The following PC variants were observed in gnomAD, a reference collection of about 807,000 sequenced individuals.
PC encodes pyruvate carboxylase.
PC carries 46 observed loss-of-function variants against 107.8 expected under a neutral mutation model. The ratio of observed to expected loss-of-function variants is 0.43; its 90% CI spans 0.34 to 0.55. The LOEUF (loss-of-function observed/expected upper bound fraction) is 0.55, where lower values mean the gene tolerates loss of function less well. PC is among the 20% of genes least tolerant of loss of function. The pLI, the probability that PC is intolerant of heterozygous loss-of-function variation, is 0.04. For synonymous variants in PC, 662 were observed against 684.7 expected (o/e 0.97, Z 0.52); for missense variants, 1,241 against 1,643.1 (o/e 0.76, Z 4.23).
Position 66,849,018 on chromosome 11 carries a change from GCA to G in PC, c.3416_3417del (p.Val1139AlafsTer32). 6.2e-7 allele frequency: 1 copy of G among 1,614,096 alleles called. No individual in the cohort carries two copies. The highest frequency in any genetic ancestry group is 8.5e-7 in the Non-Finnish European group (1 of 1,180,038). ...AKVAKGQPLCVLSAMKMETVV... is the reference protein window; with the variant it reads ...AKVAKGQPLCXLSAMKMETVV... ...ACAGTCTCCATCTTCATGGCACTGA[GCA>G]CACACAGGGGCTGGCCCTTGGCCAC... On this transcript the variant is annotated frameshift_variant, in exon 23 of 23. Transcript: ENST00000393960. LOFTEE classifies it high-confidence loss of function.
At chr11:66,937,974 C>A (rs1490791093) in intron 3 of PC, among the ~76,000 whole-genome samples, 1 of 152,090 alleles carries the variant, frequency 6.6e-6, no homozygotes, top group Non-Finnish European at 1.5e-5. Flanking sequence ...GACGGGGTTT[C>A]ACTGTGTTAG....
At chr11:66,856,393 C>G (rs1945830141) in intron 12 of PC, among the ~76,000 whole-genome samples, 1 of 142,412 alleles carries the variant, frequency 7.0e-6, no homozygotes, top group Non-Finnish European at 1.5e-5. Flanking sequence ...GAGGGAGAGG[C>G]GAGAGGCAGC....
At chr11:66,927,325 T>A (rs1279964897) in intron 3 of PC, among the ~76,000 whole-genome samples, 1 of 150,186 alleles carries the variant, frequency 6.7e-6, no homozygotes, top group Non-Finnish European at 1.5e-5. Context: ...GCCACACCAG[T>A]GTACTCCCGT....
chr11:66,853,132 G>A, intron 13 of PC, 107 bp downstream of exon 13: 1 of 1,285,618 alleles, frequency 7.8e-7, no homozygotes. Context: ...TGAGGGGCAG[G>A]GGGCACTAAG....
chr11:66,935,694 T>C (rs1352795241), intron 3 of PC, among the ~76,000 whole-genome samples: 1 of 152,160 alleles, frequency 6.6e-6, no homozygotes. Flanking sequence ...TAACTCTTCC[T>C]AGTGAAGCTG....
chr11:66,849,594 G>A lies in PC; in HGVS notation c.3147+17C>T, dbSNP rs767447355. 7 of 1,613,938 alleles carry A rather than the reference G, an allele frequency of 4.3e-6. No homozygotes were observed. Among genetic ancestry groups the A allele is most frequent in the Non-Finnish European group, 5.9e-6 (7 of 1,180,024 alleles). On this transcript the variant is annotated intron_variant, in intron 21 of 22. Coordinates refer to ENST00000393960, the MANE Select transcript of PC (RefSeq NM_001040716.2). ...GGGGGCCAGGGTGGAGTGTGGAGAA[G>A]CGCCAGAGCCACTGACCTCAAACTC...
At chr11:66,934,851 C>T (rs765411352) in intron 3 of PC, among the ~76,000 whole-genome samples, 4 of 152,098 alleles carry the variant, frequency 2.6e-5, no homozygotes, top group African/African-American at 4.8e-5. Context: ...GTGATCCACC[C>T]GCCTCGGCCT....
chr11:66,855,766 C>G (rs1260331041), intron 12 of PC, among the ~76,000 whole-genome samples: 1 of 152,228 alleles, frequency 6.6e-6, no homozygotes, highest in Non-Finnish European at 1.5e-5. Context: ...CCCTCACAAG[C>G]TGCAGCTGTC....
At chr11:66,924,592 A>T in intron 3 of PC, among the ~76,000 whole-genome samples, 1 of 152,168 alleles carries the variant, frequency 6.6e-6, no homozygotes, top group Non-Finnish European at 1.5e-5. Context: ...CTGAGACTAC[A>T]GGTGCGCACC....
In PC at chr11:66,937,492, G is replaced by A. The variant is rs570996124; in HGVS notation, c.-1+14938C>T. On this transcript the variant is annotated intron_variant, in intron 3 of 22. Transcript: ENST00000393960. ...TTGGAGTTCACTGAGCTTCCTGAGT[G>A]GGTAGGTTACTGTTTTTCATCAGCT... 2.6e-5 allele frequency among the ~76,000 whole-genome samples: 4 copies of A among 152,272 alleles called. No individual in the cohort carries two copies. In the East Asian group the frequency reaches 7.7e-4, roughly 29 times the overall value.
Position 66,853,246 on chromosome 11 carries a change from G to A in PC, c.1506C>T (p.His502=). 1 of 1,614,006 alleles carries A rather than the reference G, an allele frequency of 6.2e-7. No individual in the cohort carries two copies. Among genetic ancestry groups the A allele is most frequent in the Non-Finnish European group, 8.5e-7 (1 of 1,179,980 alleles). ...PAQNRAQKLL[H]YLGHVMVNGP... is the part of the protein sequence containing the mutation. ...GGCAGTCTCGGGCCAGACCGAGGTA[G>A]TGCAACAGCTTTTGGGCCCGGTTCT... The change falls in exon 13 of 23, where the codon CAC becomes CAT. Residue 502 remains histidine, a synonymous_variant. Transcript: ENST00000393960.
intron 12 of PC, among the ~76,000 whole-genome samples, chr11:66,862,368 C>T (rs960261891): frequency 2.0e-5 from 3 of 152,220 alleles, no homozygotes; most frequent in Admixed American, 1.3e-4. Flanking sequence ...GGGGCTCTTG[C>T]GACCAAGCAG....
At chr11:66,873,521 T>TATATAATATTATATATTATATTATATA (rs1555028662) in intron 3 of PC, among the ~76,000 whole-genome samples, 1 of 85,276 alleles carries the variant, frequency 1.2e-5, no homozygotes, top group Non-Finnish European at 2.2e-5. Flanking sequence ...TATTATATTA[T>TATATAATATTATATATTATATTATATA]ATATTATAAT....
chr11:66,860,672 G>A (rs774509671), intron 12 of PC: 2 of 701,574 alleles, frequency 2.9e-6, no homozygotes, highest in South Asian at 3.0e-5. Flanking sequence ...CTTCTGACCT[G>A]CAAGAGCATG....
intron 3 of PC, among the ~76,000 whole-genome samples, chr11:66,943,755 CAAAAAAAAAAAA>C (rs34245785): frequency 5.1e-4 from 9 of 17,582 alleles, no homozygotes; most frequent in African/African-American, 1.3e-3. Flanking sequence ...GACTCCGGCT[CAAAAAAAAAAAA>C]AAAAAAAAAA....
chr11:66,882,648 GC>G (rs898600241), intron 3 of PC, among the ~76,000 whole-genome samples: 48 of 152,366 alleles, frequency 3.2e-4, no homozygotes, highest in African/African-American at 1.1e-3. Flanking sequence ...ACCAGGCTGT[GC>G]CCCTAGCCCC....
intron 3 of PC, among the ~76,000 whole-genome samples, chr11:66,902,600 C>T (rs1295863144): frequency 6.6e-6 from 1 of 152,124 alleles, no homozygotes; most frequent in African/African-American, 2.4e-5. Flanking sequence ...CAAGACTGAT[C>T]ATGCTAGTGA....
chr11:66,902,586 T>C (rs1033883073), intron 3 of PC, among the ~76,000 whole-genome samples: 1 of 152,130 alleles, frequency 6.6e-6, no homozygotes, highest in African/African-American at 2.4e-5. Flanking sequence ...TGTAGATAGA[T>C]TGTCAAGACT....
rs980024367 is a variant in PC at position 66,850,746 on chromosome 11, T to C, written c.2401A>G (p.Met801Val). ...CTGGGCTGTGAAGTCATCCCAGACATGGAATCAGCTGCCACATCCACCACA... is the reference window on the plus strand; with the variant it reads ...CTGGGCTGTGAAGTCATCCCAGACACGGAATCAGCTGCCACATCCACCACA... ...ADVVDVAADS[M>V]SGMTSQPSMG... The change falls in exon 18 of 23, where the codon ATG becomes GTG. Residue 801 changes from methionine (M) to valine (V), a missense_variant. Physicochemically the swap from Met to Val is conservative, Grantham distance 21 (BLOSUM62 1). Coordinates refer to ENST00000393960, the MANE Select transcript of PC (RefSeq NM_001040716.2). 1.2e-6 allele frequency: 2 copies of C among 1,611,262 alleles called. No individual in the cohort carries two copies. The highest frequency in any genetic ancestry group is 1.3e-5 in the African/African-American group (1 of 74,886).
Sources: gnomAD v4.1 joint callset for allele counts (sites outside exome capture counted in the v4.1 genomes callset) on GRCh38, gnomAD v4.1.1 for gene constraint, MANE v1.5 for transcripts, NCBI Gene and HGNC (gene_info 2026-07-23, HGNC 2026-07-21) for gene names.